KAZN: variants seen among roughly 807,000 people sequenced by gnomAD.
KAZN encodes kazrin, periplakin interacting protein.
A neutral mutation model predicts 87.4 loss-of-function variants in KAZN; 40 were observed. The observed-to-expected ratio is 0.46, with a 90% CI of 0.36 to 0.60. The LOEUF (loss-of-function observed/expected upper bound fraction) is 0.60, where lower values mean the gene tolerates loss of function less well. Ranked by LOEUF, KAZN falls within the 20% of genes least tolerant of loss-of-function variation. The probability of loss-of-function intolerance (pLI) is 0.00; values close to 1 mark genes in which losing one functional copy is unlikely to be tolerated. For missense variants in KAZN, 898 were observed against 1,073.9 expected (o/e 0.84, Z 2.29); for synonymous variants, 466 against 458.3 (o/e 1.02, Z -0.22).
chr1:14,984,624 A>G (rs1473341882), intron 2 of KAZN, among the ~76,000 whole-genome samples: 3 of 152,088 alleles, frequency 2.0e-5, no homozygotes, highest in Non-Finnish European at 4.4e-5. Flanking sequence ...ACATCTCTCT[A>G]TTTCTTGATG....
chr1:14,595,680 C>CAAAAAAAAAAAAAAAAAAAAAA (rs34080804), upstream of KAZN, among the ~76,000 whole-genome samples: 1 of 96,648 alleles, frequency 1.0e-5, no homozygotes, highest in African/African-American at 4.5e-5. Context: ...GACTGCGTCT[C>CAAAAAAAAAAAAAAAAAAAAAA]AAAAAAAAAA....
intron 1 of KAZN, among the ~76,000 whole-genome samples, chr1:14,935,509 A>G (rs1431846952): frequency 1.3e-5 from 2 of 152,100 alleles, no homozygotes; most frequent in African/African-American, 4.8e-5. Context: ...TTAGAAATGC[A>G]AATTCTCTGT....
chr1:14,959,852 C>T (rs1663631498), intron 1 of KAZN, among the ~76,000 whole-genome samples: 1 of 152,128 alleles, frequency 6.6e-6, no homozygotes, highest in Non-Finnish European at 1.5e-5. Flanking sequence ...TTGGTTGACA[C>T]GGCTCTCACT....
At chr1:14,563,823 C>A (rs1285475652) in intron 2 of KAZN, among the ~76,000 whole-genome samples, 1 of 148,152 alleles carries the variant, frequency 6.7e-6, no homozygotes, top group African/African-American at 2.5e-5. Flanking sequence ...CATATGGCTA[C>A]CAACATGAGG....
intron 1 of KAZN, among the ~76,000 whole-genome samples, chr1:14,088,007 T>TTC (rs1643893066): frequency 6.8e-6 from 1 of 148,122 alleles, no homozygotes. Context: ...TTTTTTTTTT[T>TTC]TCTTGATGTA....
chr1:14,020,842 A>G (rs904187560), intron 1 of KAZN, among the ~76,000 whole-genome samples: 17 of 152,196 alleles, frequency 1.1e-4, no homozygotes, highest in African/African-American at 3.9e-4. Flanking sequence ...AAACAGTAGG[A>G]TATTTTAAGA....
At chr1:14,693,099 C>T (rs1641411517) in intron 1 of KAZN, among the ~76,000 whole-genome samples, 1 of 152,194 alleles carries the variant, frequency 6.6e-6, no homozygotes, top group Non-Finnish European at 1.5e-5. Flanking sequence ...TGTCCAAAAG[C>T]TCCATGTTGA....
intron 1 of KAZN, among the ~76,000 whole-genome samples, chr1:14,940,619 T>C (rs1173016304): frequency 2.0e-5 from 3 of 152,176 alleles, no homozygotes; most frequent in Middle Eastern, 6.3e-3. Context: ...GGGAGCTCTT[T>C]GTGAGGGTGG....
intron 1 of KAZN, among the ~76,000 whole-genome samples, chr1:14,855,872 G>A (rs1475112690): frequency 6.6e-6 from 1 of 152,244 alleles, no homozygotes; most frequent in Non-Finnish European, 1.5e-5. Context: ...GAAGTTTCCA[G>A]GGGAAAGAGA....
intron 1 of KAZN, among the ~76,000 whole-genome samples, chr1:13,967,058 TACTC>T (rs1169428583): frequency 6.6e-6 from 1 of 152,184 alleles, no homozygotes; most frequent in African/African-American, 2.4e-5. Flanking sequence ...AGTCAGGGCT[TACTC>T]ACTGTTTTAT....
chr1:14,409,308 T>TA (rs1430584384), intron 2 of KAZN, among the ~76,000 whole-genome samples: 1 of 152,150 alleles, frequency 6.6e-6, no homozygotes, highest in African/African-American at 2.4e-5. Flanking sequence ...ATTGATGTCT[T>TA]AGACTCAAGA....
intron 1 of KAZN, among the ~76,000 whole-genome samples, chr1:14,023,069 C>T (rs1640920340): frequency 6.6e-6 from 1 of 152,148 alleles, no homozygotes; most frequent in Non-Finnish European, 1.5e-5. Context: ...AATCCCAACA[C>T]TTTGGGAGGC....
intron 2 of KAZN, among the ~76,000 whole-genome samples, chr1:14,968,882 C>A (rs1366013718): frequency 6.6e-6 from 1 of 152,236 alleles, no homozygotes; most frequent in Non-Finnish European, 1.5e-5. Flanking sequence ...AGGCCCTGCT[C>A]AGAGTCTAGG....
chr1:15,061,525 T>G (rs1638794743), intron 6 of KAZN: 1 of 152,140 alleles, frequency 6.6e-6, no homozygotes, highest in Admixed American at 6.6e-5. Flanking sequence ...TTTTATTTAT[T>G]TGTATGTGTG....
At chr1:14,402,919 C>T (rs1239550555) in intron 2 of KAZN, among the ~76,000 whole-genome samples, 2 of 152,084 alleles carry the variant, frequency 1.3e-5, no homozygotes, top group Non-Finnish European at 2.9e-5. Flanking sequence ...CCTCTGCCTC[C>T]TGGGTTCAAG....
intron 2 of KAZN, among the ~76,000 whole-genome samples, chr1:14,246,580 G>A (rs370486046): frequency 1.0e-3 from 156 of 152,008 alleles, no homozygotes; most frequent in African/African-American, 3.5e-3. Flanking sequence ...AATAAACACC[G>A]TGTACTCCTG....
intron 1 of KAZN, among the ~76,000 whole-genome samples, chr1:14,738,708 G>T (rs145758617): frequency 1.3e-5 from 2 of 152,064 alleles, no homozygotes; most frequent in Non-Finnish European, 2.9e-5. Context: ...ACGTATGAAG[G>T]CTCATTCTTC....
chr1:14,366,290 G>A (rs970601468), intron 2 of KAZN, among the ~76,000 whole-genome samples: 4 of 152,182 alleles, frequency 2.6e-5, no homozygotes, highest in East Asian at 3.8e-4. Flanking sequence ...CTGAAATGTC[G>A]TAGCTCATCT....
intron 1 of KAZN, among the ~76,000 whole-genome samples, chr1:14,707,813 T>A (rs1195927857): frequency 6.6e-6 from 1 of 152,216 alleles, no homozygotes; most frequent in African/African-American, 2.4e-5. Context: ...TTTACATCCT[T>A]AGGTTTCATT....
Sources: gnomAD v4.1 joint callset for allele counts (sites outside exome capture counted in the v4.1 genomes callset) on GRCh38, gnomAD v4.1.1 for gene constraint, MANE v1.5 for transcripts, NCBI Gene and HGNC (gene_info 2026-07-23, HGNC 2026-07-21) for gene names.